The following TAGLN variants were observed in gnomAD, a reference collection of about 807,000 sequenced individuals.
The protein encoded by TAGLN is transgelin, also known as 22 kDa actin-binding protein.
TAGLN carries 16 observed loss-of-function variants against 21.9 expected under a neutral mutation model. That is an observed-to-expected ratio of 0.73 (90% CI 0.49 to 1.11). The LOEUF (loss-of-function observed/expected upper bound fraction) is 1.11, where lower values mean the gene tolerates loss of function less well. Ranked by LOEUF, TAGLN falls within the 50% of genes least tolerant of loss-of-function variation. The probability of loss-of-function intolerance (pLI) is 0.00; values close to 1 mark genes in which losing one functional copy is unlikely to be tolerated. For synonymous variants in TAGLN, 96 were observed against 94.9 expected, an observed-to-expected ratio of 1.01 and a Z score of -0.06; for missense variants, 248 against 263.2, an observed-to-expected ratio of 0.94 and a Z score of 0.40.
intron 1 of TAGLN, among the ~76,000 whole-genome samples, chr11:117,200,034 C>A (rs1163534852): frequency 6.6e-6 from 1 of 151,784 alleles, no homozygotes; most frequent in Non-Finnish European, 1.5e-5. Flanking sequence ...AGGTCACCCC[C>A]ACTGTAGCAG....
intron 1 of TAGLN, chr11:117,200,210 CGTGGA>C (rs1565292798): frequency 1.3e-5 from 2 of 152,184 alleles, no homozygotes; most frequent in Non-Finnish European, 2.9e-5. Context: ...CCTGTTTGTC[CGTGGA>C]GTGGAGAGGA....
In TAGLN at chr11:117,205,724, G is replaced by A. The variant is rs1300377946; in HGVS notation, c.*1365G>A. 1 of 356,612 alleles carries A rather than the reference G, an allele frequency of 2.8e-6. No individual in the cohort carries two copies. The highest frequency in any genetic ancestry group is 4.2e-5 in the East Asian group (1 of 23,652). 22.1% of individuals were successfully genotyped at this position (356,612 alleles called of 1,614,324 possible). ...GCAGCTGGCTTGGCCCAAGAGAGAT[G>A]AGGATGGAGGCCAAACCAAAGGGGG... On this transcript the variant is annotated 3_prime_UTR_variant, in exon 5 of 5. Coordinates refer to ENST00000392951, the MANE Select transcript of TAGLN (RefSeq NM_003186.5).
chr11:117,204,099 A>C, intron 4 of TAGLN, 116 bp from the exon 5 acceptor site: 1 of 1,481,574 alleles, frequency 6.7e-7, no homozygotes, highest in Non-Finnish European at 9.2e-7. Context: ...TAGATTAGGG[A>C]AAAAAAGTGC....
In TAGLN at chr11:117,203,765, CT is replaced by C. The variant is rs531321247; in HGVS notation, c.359-16del. 217 of 1,609,080 alleles carry C rather than the reference CT, an allele frequency of 1.3e-4. No individual in the cohort carries two copies. In the Admixed American group the frequency reaches 1.9e-3, roughly 14 times the overall value. ...TACGTTCTTGATGTTCATCTCCTCT[CT>C]CCTGTCTTCTCACAGGCAAAGACAT... On this transcript the variant is annotated splice_polypyrimidine_tract_variant and intron_variant, in intron 3 of 4. Transcript: ENST00000392951. This position sits in a 1 kb window ranked among gnomAD's most constrained non-coding sequence, Gnocchi z 4.4.
At chr11:117,201,777 G>C (rs1277519549) in intron 1 of TAGLN, 1 of 152,410 alleles carries the variant, frequency 6.6e-6, no homozygotes, top group East Asian at 1.9e-4. Context: ...GGGAGCCGGG[G>C]GAGTGCGCTC....
chr11:117,202,743 G>A, intron 1 of TAGLN: 1 of 286,088 alleles, frequency 3.5e-6, no homozygotes, highest in Non-Finnish European at 6.5e-6. Context: ...CCTAAAATAT[G>A]TTCTGTCTTA....
chr11:117,202,799 G>T, intron 1 of TAGLN: 1 of 440,176 alleles, frequency 2.3e-6, no homozygotes, highest in Non-Finnish European at 4.0e-6. Flanking sequence ...GACCTCCAAA[G>T]ACCTGGTATC....
At chr11:117,200,561 G>A (rs940374140) in intron 1 of TAGLN, among the ~76,000 whole-genome samples, 2 of 152,116 alleles carry the variant, frequency 1.3e-5, no homozygotes, top group African/African-American at 2.4e-5. Context: ...GGCAGGACTC[G>A]GGAGGCTTCA....
chr11:117,202,066 C>T (rs1411547581), intron 1 of TAGLN: 4 of 152,318 alleles, frequency 2.6e-5, no homozygotes, highest in African/African-American at 7.2e-5. Context: ...GGCCCAGGCC[C>T]TCAGGGTGGC....
At chr11:117,200,643 A>C (rs1309680354) in intron 1 of TAGLN, among the ~76,000 whole-genome samples, 1 of 152,108 alleles carries the variant, frequency 6.6e-6, no homozygotes, top group Non-Finnish European at 1.5e-5. Context: ...AAGGGGAAGG[A>C]TGGTGGTGCT....
In TAGLN at chr11:117,203,354, G is replaced by A. The variant is rs747255641; in HGVS notation, c.228G>A (p.Pro76=). The A allele has an allele frequency of 1.7e-5, 27 of 1,614,084 alleles. No individual in the cohort carries two copies. Among genetic ancestry groups the A allele is most frequent in the East Asian group, 4.5e-5 (2 of 44,896 alleles). ...VNSLYPDGSK[P]VKVPENPPSM... ...GCCTGTACCCTGATGGCTCCAAGCCGGTGAAGGTGCCCGAGAACCCACCCT... is the reference window on the plus strand; with the variant it reads ...GCCTGTACCCTGATGGCTCCAAGCCAGTGAAGGTGCCCGAGAACCCACCCT... The change falls in exon 3 of 5, where the codon CCG becomes CCA. Residue 76 remains proline (P), a synonymous_variant. Transcript: ENST00000392951. The surrounding 1 kb of genome is among the most constrained non-coding windows in gnomAD (Gnocchi z 4.4).
Position 117,203,499 on chromosome 11 carries a change from G to GC in TAGLN, c.358+16dup. 1 of 1,611,256 alleles carries GC rather than the reference G, an allele frequency of 6.2e-7. No individual in the cohort carries two copies. The highest frequency in any genetic ancestry group is 2.2e-5 in the East Asian group (1 of 44,788). ...CCTCTTTGAAGGTAGAGAGGAAGAGGCTGGGGGAGGAGGTGGGCAGGAGGA... is the reference window on the plus strand; with the variant it reads ...CCTCTTTGAAGGTAGAGAGGAAGAGGCCTGGGGGAGGAGGTGGGCAGGAGGA... On this transcript the variant is annotated intron_variant, in intron 3 of 4. Transcript: ENST00000392951. This position sits in a 1 kb window ranked among gnomAD's most constrained non-coding sequence, Gnocchi z 4.4.
At position 117,205,831 on chromosome 11, in the gene TAGLN, T is replaced by G; in HGVS notation, c.*1472T>G. The G allele has an allele frequency of 1.7e-6, 1 of 589,670 alleles. No homozygotes were observed. The highest frequency in any genetic ancestry group is 2.8e-6 in the Non-Finnish European group (1 of 357,552). 36.5% of individuals were successfully genotyped at this position (589,670 alleles called of 1,614,324 possible). ...GACCCTGTGGCTCTGACCAGACTTC[T>G]CTGGCAGCAATCCTCCACCATTTGT... On this transcript the variant is annotated 3_prime_UTR_variant, in exon 5 of 5. Transcript: ENST00000392951.
rs2031211168 is a variant in TAGLN at position 117,203,827 on chromosome 11, G to C, written c.404G>C (p.Ser135Thr). Reference protein sequence around the residue: ...AVQRTLMALGSLAVTKNDGHY... With the variant: ...AVQRTLMALGTLAVTKNDGHY... The stretch of plus-strand genomic sequence containing the variant: ...CAGAGGACCCTGATGGCTTTGGGCA[G>C]CTTGGCAGTGACCAAGAATGATGGG... Residue 135 changes from serine to threonine, a missense_variant, in exon 4 of 5, where the codon AGC becomes ACC. Ser to Thr is a moderately conservative substitution (Grantham distance 58). Transcript: ENST00000392951. This position sits in a 1 kb window ranked among gnomAD's most constrained non-coding sequence, Gnocchi z 4.4. 6.2e-7 allele frequency: 1 copy of C among 1,613,960 alleles called. No homozygotes were observed. The highest frequency in any genetic ancestry group is 8.5e-7 in the Non-Finnish European group (1 of 1,179,958).
rs978389056 is a variant in TAGLN at position 117,203,720 on chromosome 11, C to T, written c.359-62C>T. 6.5e-7 allele frequency: 1 copy of T among 1,541,804 alleles called. No homozygotes were observed. The highest frequency in any genetic ancestry group is 1.4e-5 in the African/African-American group (1 of 73,418). On this transcript the variant is annotated intron_variant, in intron 3 of 4. Coordinates refer to ENST00000392951, the MANE Select transcript of TAGLN (RefSeq NM_003186.5). This position sits in a 1 kb window ranked among gnomAD's most constrained non-coding sequence, Gnocchi z 4.4. ...TTTTTGTGAGAGACGGGGGCAGGCC[C>T]TGGCTTGGAGTCTTGTTTATACGTT...
chr11:117,203,625 C>G lies in TAGLN; in HGVS notation c.358+141C>G. 8.0e-7 allele frequency: 1 copy of G among 1,255,890 alleles called. No homozygotes were observed. Among genetic ancestry groups the G allele is most frequent in the Non-Finnish European group, 1.1e-6 (1 of 899,362 alleles). The allele number at this position is 1,255,890 out of a possible 1,614,324, so 77.8% of individuals were successfully genotyped here. ...GATGGGATATGCCGAGAATAACACG[C>G]CACGCTCACAGGGCCCACTGAGAGG... On this transcript the variant is annotated intron_variant, in intron 3 of 4. Coordinates refer to ENST00000392951, the MANE Select transcript of TAGLN (RefSeq NM_003186.5). The surrounding 1 kb of genome is among the most constrained non-coding windows in gnomAD (Gnocchi z 4.4).
Position 117,204,965 on chromosome 11 carries a change from A to G in TAGLN, c.*606A>G, listed in dbSNP as rs1000988515. 3 of 199,896 alleles carry G rather than the reference A, an allele frequency of 1.5e-5. No individual in the cohort carries two copies. Among genetic ancestry groups the G allele is most frequent in the East Asian group, 8.0e-5 (1 of 12,526 alleles). The allele number at this position is 199,896 out of a possible 1,614,324, so 12.4% of individuals were successfully genotyped here. On this transcript the variant is annotated 3_prime_UTR_variant, in exon 5 of 5. Coordinates refer to ENST00000392951, the MANE Select transcript of TAGLN (RefSeq NM_003186.5). ...CAGATTCTTTCAGAGGAAACAGGCC[A>G]TAGAACAGGAGAGTGAATCTTGGGG...
rs140957009 is a variant in TAGLN, at chr11:117,203,629, G to A, written c.358+145G>A. Reference sequence around the variant, plus strand: ...GGATATGCCGAGAATAACACGCCACGCTCACAGGGCCCACTGAGAGGCCTC... The same window carrying A: ...GGATATGCCGAGAATAACACGCCACACTCACAGGGCCCACTGAGAGGCCTC... On this transcript the variant is annotated intron_variant, in intron 3 of 4. Transcript: ENST00000392951. This position sits in a 1 kb window ranked among gnomAD's most constrained non-coding sequence, Gnocchi z 4.4. The A allele has an allele frequency of 1.9e-5, 24 of 1,243,784 alleles. No individual in the cohort carries two copies. The African/African-American group carries it at 2.4e-4, about 12-fold the overall frequency. The allele number at this position is 1,243,784 out of a possible 1,614,324, so 77.0% of individuals were successfully genotyped here.
Position 117,202,987 on chromosome 11 carries a change from C to G in TAGLN, c.-12-15C>G, listed in dbSNP as rs1411074958. 7 of 1,537,814 alleles carry G rather than the reference C, an allele frequency of 4.6e-6. No individual in the cohort carries two copies. Among genetic ancestry groups the G allele is most frequent in the Non-Finnish European group, 6.1e-6 (7 of 1,141,544 alleles). On this transcript the variant is annotated splice_polypyrimidine_tract_variant and intron_variant, in intron 1 of 4. Coordinates refer to ENST00000392951, the MANE Select transcript of TAGLN (RefSeq NM_003186.5). ...GACCCTCTGCCCCTCCCTCCTCCAC[C>G]CTGGCCTGCTTTAGCTTTCCCCAGA... is the stretch of plus-strand genomic sequence containing the variant.
Sources: gnomAD v4.1 joint callset for allele counts (sites outside exome capture counted in the v4.1 genomes callset) on GRCh38, gnomAD v4.1.1 for gene constraint, Gnocchi (gnomAD v3.1) non-coding constraint, MANE v1.5 for transcripts, NCBI Gene and HGNC (gene_info 2026-07-23, HGNC 2026-07-21) for gene names.